The following WDR45 variants were observed in gnomAD, a reference collection of about 807,000 sequenced individuals.
WDR45 encodes the protein WD repeat domain phosphoinositide-interacting protein 4.
Under a neutral mutation model 27.3 loss-of-function variants are expected in WDR45, and 2 were observed. The ratio of observed to expected loss-of-function variants is 0.07; its 90% CI spans 0.03 to 0.23. The LOEUF is 0.23. Ranked by LOEUF, WDR45 falls within the 10% of genes least tolerant of loss-of-function variation. The probability of loss-of-function intolerance (pLI) is 1.00; values close to 1 mark genes in which losing one functional copy is unlikely to be tolerated. For missense variants in WDR45, 175 were observed against 311.9 expected (o/e 0.56, Z 3.31); for synonymous variants, 99 against 119.2 (o/e 0.83, Z 1.11).
upstream of WDR45, among the ~76,000 whole-genome samples, chrX:49,084,135 C>T (rs1396221993): frequency 4.1e-5 from 4 of 98,486 alleles, no homozygotes; most frequent in South Asian, 5.4e-4. Context: ...TTGCAACCTC[C>T]GCCTTCTGGG....
At chrX:49,095,834 G>A (rs1203834512) in intron 2 of WDR45, among the ~76,000 whole-genome samples, 2 of 96,354 alleles carry the variant, frequency 2.1e-5, no homozygotes, top group Non-Finnish European at 4.1e-5. Context: ...CGTGATCTGG[G>A]CTCACTGCAA....
intron 2 of WDR45, among the ~76,000 whole-genome samples, chrX:49,098,037 T>C (rs782568739): frequency 9.0e-6 from 1 of 111,470 alleles, no homozygotes; most frequent in African/African-American, 3.3e-5. Context: ...CTGCGGCCTC[T>C]AATTGCAAGG....
chrX:49,099,606 C>G (rs2065137848), intron 2 of WDR45, among the ~76,000 whole-genome samples: 1 of 109,182 alleles, frequency 9.2e-6, no homozygotes, highest in Non-Finnish European at 1.9e-5. Context: ...ACGGTGAAAC[C>G]CTGTCTCTAC....
At chrX:49,098,255 G>A (rs1219321368) in intron 2 of WDR45, among the ~76,000 whole-genome samples, 2 of 110,568 alleles carry the variant, frequency 1.8e-5, no homozygotes, top group Non-Finnish European at 3.8e-5. Flanking sequence ...AGCACTTTGG[G>A]AGGCTGAGGT....
chrX:49,077,975 G>A, intron 2 of WDR45, 64 bp from the exon 3 acceptor site: 1 of 1,208,034 alleles, frequency 8.3e-7, no homozygotes, highest in Admixed American at 2.2e-5. Flanking sequence ...GGGGGCCCAT[G>A]GCCCACTTCT....
chrX:49,095,523 C>T (rs1305640793), intron 2 of WDR45, among the ~76,000 whole-genome samples: 7 of 109,300 alleles, frequency 6.4e-5, no homozygotes, highest in Non-Finnish European at 1.3e-4. Flanking sequence ...TGCAGTGGCA[C>T]GATCTCGGCT....
At chrX:49,087,710 T>C (rs2065091173) in intron 2 of WDR45, among the ~76,000 whole-genome samples, 3 of 111,153 alleles carry the variant, frequency 2.7e-5, no homozygotes, top group Non-Finnish European at 5.7e-5. Context: ...TTCCAGAAAG[T>C]CAAAGGAAAA....
chrX:49,092,119 CAAAAAAAA>C (rs61126954), intron 2 of WDR45, among the ~76,000 whole-genome samples: 2 of 35,731 alleles, frequency 5.6e-5, no homozygotes, highest in Non-Finnish European at 9.5e-5. Context: ...CACTCCATCT[CAAAAAAAA>C]AAAAAAAAAA....
In WDR45 at chrX:49,079,840, G is replaced by T. The variant is rs2065058764; in HGVS notation, c.-107C>A. 1 of 113,353 alleles carries T rather than the reference G, an allele frequency of 8.8e-6. No homozygotes were observed. Among genetic ancestry groups the T allele is most frequent in the African/African-American group, 3.2e-5 (1 of 31,261 alleles). The allele number at this position is 113,353 out of a possible 1,213,427, so 9.3% of individuals were successfully genotyped here. A position where few individuals can be genotyped will look rare whatever the true frequency, so the allele number is the denominator to read the frequency against. On this transcript the variant is annotated 5_prime_UTR_variant, in exon 1 of 11. Coordinates refer to ENST00000376372, the MANE Select transcript of WDR45 (RefSeq NM_001029896.2). ...GGCCCCAGCTGTCGGTGCCGCCCGC[G>T]GCCCGGTTTTCTGACCTCCCGGGCC...
At chrX:49,100,237 C>CT (rs781977204) in exon 2 of WDR45, 231 of 100,499 alleles carry the variant, frequency 2.3e-3, no homozygotes, top group Middle Eastern at 5.2e-3. Flanking sequence ...TCTTTTCTTT[C>CT]TTTTTTTTTT....
intron 2 of WDR45, among the ~76,000 whole-genome samples, chrX:49,086,182 C>T (rs1206151665): frequency 8.9e-6 from 1 of 111,739 alleles, no homozygotes; most frequent in Non-Finnish European, 1.9e-5. Context: ...GATGGAGTTT[C>T]ACTCTTGTTG....
chrX:49,084,659 G>A (rs1326478772), upstream of WDR45, among the ~76,000 whole-genome samples: 2 of 105,800 alleles, frequency 1.9e-5, no homozygotes, highest in Non-Finnish European at 3.9e-5. Flanking sequence ...TTTTGACGGA[G>A]TCTCACTCTG....
intron 6 of WDR45, 109 bp from the exon 7 acceptor site, chrX:49,076,054 C>T: frequency 2.4e-5 from 16 of 664,049 alleles, no homozygotes; most frequent in Non-Finnish European, 3.3e-5. Flanking sequence ...ATAAGCTTAA[C>T]CCGAAGAACC....
intron 2 of WDR45, among the ~76,000 whole-genome samples, chrX:49,097,451 C>T (rs907914752): frequency 3.7e-5 from 4 of 107,623 alleles, no homozygotes; most frequent in South Asian, 4.1e-4. Context: ...CTCAGCCTCC[C>T]GAGTAGCTGG....
intron 2 of WDR45, among the ~76,000 whole-genome samples, chrX:49,086,299 C>G (rs1443200140): frequency 3.6e-5 from 4 of 110,525 alleles, no homozygotes; most frequent in Non-Finnish European, 7.6e-5. Flanking sequence ...ATTACAGGTG[C>G]GTGCCACCAT....
Position 49,089,220 on chromosome X carries a change from G to A in WDR45, c.-18+10985C>T, listed in dbSNP as rs192927485. On this transcript the variant is annotated intron_variant, in intron 2 of 11. Coordinates refer to the WDR45 transcript ENST00000356463. ...GCAGAATCACTTGAACTCAGGAGGC[G>A]GAAGCTGCAGTGAGGCAAGATCATG... 3.2e-3 allele frequency among the ~76,000 whole-genome samples: 353 copies of A among 111,416 alleles called. 3 individuals are homozygous for A. Among genetic ancestry groups the A allele is most frequent in the African/African-American group, 0.011 (341 of 30,738 alleles).
Position 49,100,477 on chromosome X carries a change from C to T in WDR45, c.-290G>A, listed in dbSNP as rs374469953. On this transcript the variant is annotated 5_prime_UTR_variant, in exon 2 of 12. Coordinates refer to the WDR45 transcript ENST00000356463. Reference sequence around the variant, plus strand: ...GGTCTCGATCTCCTGACCTCGTGATCCACCTGCCTCGGCCTCCCAAAGTGC... The same window carrying T: ...GGTCTCGATCTCCTGACCTCGTGATTCACCTGCCTCGGCCTCCCAAAGTGC... 1.2e-3 allele frequency: 138 copies of T among 113,019 alleles called. 1 individual carries two copies. The Middle Eastern group carries it at 0.018, about 15-fold the overall frequency. The allele number at this position is 113,019 out of a possible 1,213,427, so 9.3% of individuals were successfully genotyped here.
chrX:49,076,567 G>A (rs372347765), intron 5 of WDR45, 43 bp from the exon 6 acceptor site: 6 of 1,200,257 alleles, frequency 5.0e-6, no homozygotes, highest in African/African-American at 1.7e-5. Context: ...AGGGGGTGGC[G>A]GGATGCCCAG....
chrX:49,098,708 G>A lies in WDR45; in HGVS notation c.-18+1497C>T, dbSNP rs1040097171. Among the ~76,000 whole-genome samples, 4 of 110,364 alleles carry A rather than the reference G, an allele frequency of 3.6e-5. No individual in the cohort carries two copies. The Admixed American group carries it at 3.9e-4, about 11-fold the overall frequency. On this transcript the variant is annotated intron_variant, in intron 2 of 11. Coordinates refer to the WDR45 transcript ENST00000356463. ...TGTACTCCAAGCTACTTGGGGGGCT[G>A]AGGTGGGAGGATGGCTTGAGCACAG...
Sources: gnomAD v4.1 joint callset for allele counts (sites outside exome capture counted in the v4.1 genomes callset) on GRCh38, gnomAD v4.1.1 for gene constraint, MANE v1.5 for transcripts, NCBI Gene and HGNC (gene_info 2026-07-23, HGNC 2026-07-21) for gene names.